The following PSPC1 variants were observed in gnomAD, a reference collection of about 807,000 sequenced individuals.
PSPC1 encodes the protein paraspeckle protein 1.
In PSPC1, 14 loss-of-function variants were observed where a neutral mutation model predicts 51.6. The observed-to-expected ratio is 0.27, with a 90% CI of 0.18 to 0.42. PSPC1 has a LOEUF of 0.42. PSPC1 is among the 10% of genes least tolerant of loss of function. PSPC1 has a pLI of 1.00. For missense variants in PSPC1, 406 were observed against 701.1 expected (o/e 0.58, Z 4.75); for synonymous variants, 193 against 231.9 (o/e 0.83, Z 1.53).
intron 5 of PSPC1, chr13:19,737,102 T>C (rs573171281): frequency 2.0e-5 from 3 of 152,322 alleles, no homozygotes; most frequent in African/African-American, 7.2e-5. Flanking sequence ...CACCCCTCCT[T>C]AGGTAACCTG....
chr13:19,678,028 T>C (rs2137573578), intron 6 of PSPC1: 1 of 333,556 alleles, frequency 3.0e-6, no homozygotes, highest in South Asian at 2.4e-5. Flanking sequence ...GAACATCAAC[T>C]GAATTAAAAT....
chr13:19,759,158 CAAAA>C (rs1887375018), intron 3 of PSPC1, among the ~76,000 whole-genome samples, 161 bp downstream of exon 3: 1 of 150,762 alleles, frequency 6.6e-6, no homozygotes, highest in African/African-American at 2.4e-5. Context: ...TCAAAAAAAA[CAAAA>C]AGAAAGAAAG....
At chr13:19,686,403 G>T (rs1877883000) in intron 6 of PSPC1, among the ~76,000 whole-genome samples, 1 of 152,138 alleles carries the variant, frequency 6.6e-6, no homozygotes, top group Admixed American at 6.5e-5. Flanking sequence ...GTAGCAGGGG[G>T]TCAATTAGGA....
chr13:19,782,913 TCA>T lies in PSPC1; in HGVS notation c.-158_-157del. Reference sequence around the variant, plus strand: ...AGTCGGCAACCCGTCCTCCCCCAACTCACGCCCGCTGCAGCTGCACATTCAAA... The same window carrying T: ...AGTCGGCAACCCGTCCTCCCCCAACTCGCCCGCTGCAGCTGCACATTCAAA... On this transcript the variant is annotated 5_prime_UTR_variant, in exon 1 of 9. The change creates a premature stop within an existing upstream ORF in the 5' untranslated region. Coordinates refer to ENST00000338910, the MANE Select transcript of PSPC1 (RefSeq NM_001354909.2). This position sits in a 1 kb window ranked among gnomAD's most constrained non-coding sequence, Gnocchi z 4.5. 1.4e-6 allele frequency: 1 copy of T among 738,368 alleles called. No homozygotes were observed. The highest frequency in any genetic ancestry group is 2.0e-6 in the Non-Finnish European group (1 of 509,724). The allele number at this position is 738,368 out of a possible 1,614,324, so 45.7% of individuals were successfully genotyped here.
intron 6 of PSPC1, among the ~76,000 whole-genome samples, chr13:19,713,669 T>C (rs1300618313): frequency 6.6e-6 from 1 of 152,094 alleles, no homozygotes; most frequent in Non-Finnish European, 1.5e-5. Context: ...ACATATGTAT[T>C]CCTGAAAGCT....
At chr13:19,733,911 C>T (rs1298838481) in intron 5 of PSPC1, among the ~76,000 whole-genome samples, 2 of 151,882 alleles carry the variant, frequency 1.3e-5, no homozygotes, top group Admixed American at 6.6e-5. Context: ...CGTGATCACA[C>T]CACTGCACTC....
Position 19,782,727 on chromosome 13 carries a change from G to A in PSPC1, c.31C>T (p.Arg11Cys). Residue 11 changes from arginine to cysteine, a missense_variant, in exon 1 of 9, where the codon CGC becomes TGC. By Grantham distance (180) the Arg-to-Cys change is radical. Around this residue, in one of 5 missense-constraint regions of PSPC1, gnomAD observed 128 missense variants for 107.1 expected, o/e 1.20. Transcript: ENST00000338910. The surrounding 1 kb of genome is among the most constrained non-coding windows in gnomAD (Gnocchi z 4.5). ...AGGCGGGCCGGGTTTTTCTCAATGC[G>A]CACTTGCTTCAGGTTTCCTCTTAAC... MMLRGNLKQV[R>C]IEKNPARLRA... is the part of the protein sequence containing the mutation. 1 of 1,567,554 alleles carries A rather than the reference G, an allele frequency of 6.4e-7. No individual in the cohort carries two copies. The highest frequency in any genetic ancestry group is 8.6e-7 in the Non-Finnish European group (1 of 1,168,788).
intron 2 of PSPC1, among the ~76,000 whole-genome samples, chr13:19,770,079 A>C (rs1490946747): frequency 6.6e-6 from 1 of 152,222 alleles, no homozygotes; most frequent in Non-Finnish European, 1.5e-5. Context: ...ACCATGGAAT[A>C]TGACTCAGCC....
chr13:19,673,068 A>G (rs768560703), downstream of PSPC1: 2 of 439,040 alleles, frequency 4.6e-6, no homozygotes, highest in South Asian at 3.2e-5. Flanking sequence ...AAAAAAAAAA[A>G]GTTTCTTGGA....
At chr13:19,766,023 C>T (rs1888035716) in intron 2 of PSPC1, among the ~76,000 whole-genome samples, 2 of 151,980 alleles carry the variant, frequency 1.3e-5, no homozygotes, top group African/African-American at 4.8e-5. Context: ...AGGAAAAGTA[C>T]AAAATTATTT....
intron 5 of PSPC1, among the ~76,000 whole-genome samples, chr13:19,731,850 C>T (rs1243982231): frequency 6.6e-6 from 1 of 152,176 alleles, no homozygotes; most frequent in Non-Finnish European, 1.5e-5. Context: ...TGGTGTTAAA[C>T]ATGTCCCATA....
rs373687009 is a variant in PSPC1 at position 19,694,178 on chromosome 13, TAC to T, written c.1159-16357_1159-16356del. Among the ~76,000 whole-genome samples, 699 of 118,676 alleles carry T rather than the reference TAC, an allele frequency of 5.9e-3. 5 individuals are homozygous for T. Among genetic ancestry groups the T allele is most frequent in the South Asian group, 0.036 (124 of 3,460 alleles). The allele number at this position is 118,676 out of a possible 152,430, so 77.9% of individuals were successfully genotyped here. On this transcript the variant is annotated intron_variant and NMD_transcript_variant, in intron 6 of 7. Coordinates refer to the PSPC1 transcript ENST00000471658. ...ATATATATATATATACATACACACA[TAC>T]ACACACACACACACTAAAACTTTAA...
chr13:19,710,077 CA>C (rs1470174529), intron 6 of PSPC1, among the ~76,000 whole-genome samples: 1 of 152,020 alleles, frequency 6.6e-6, no homozygotes, highest in African/African-American at 2.4e-5. Context: ...AATAAGGTTA[CA>C]ATCTTCATTG....
At chr13:19,778,392 CCTCCCTCTCCCT>C (rs1252103085) in intron 1 of PSPC1, among the ~76,000 whole-genome samples, 1 of 54,610 alleles carries the variant, frequency 1.8e-5, no homozygotes, top group Non-Finnish European at 3.8e-5. Context: ...TCCCCCTCCC[CCTCCCTCTCCCT>C]CTCCCCACGG....
At position 19,691,194 on chromosome 13, in the gene PSPC1, A is replaced by C. The variant is rs79389249; in HGVS notation, c.1159-13371T>G. On this transcript the variant is annotated intron_variant and NMD_transcript_variant, in intron 6 of 7. Coordinates refer to the PSPC1 transcript ENST00000471658. ...CAGATCAGTTCAATACCAAATGTCA[A>C]ACACTGTGTGAACATTGATAAAGAT... Among the ~76,000 whole-genome samples, 741 of 152,300 alleles carry C rather than the reference A, an allele frequency of 4.9e-3. 8 individuals carry two copies. Among genetic ancestry groups the C allele is most frequent in the African/African-American group, 0.017 (719 of 41,556 alleles).
chr13:19,671,921 T>G, downstream of PSPC1: 2 of 1,587,746 alleles, frequency 1.3e-6, no homozygotes, highest in Non-Finnish European at 1.7e-6. Context: ...CCGATTCCTA[T>G]ACTCTCTTTG....
At chr13:19,771,998 ATG>A (rs1209892736) in intron 2 of PSPC1, among the ~76,000 whole-genome samples, 2 of 152,224 alleles carry the variant, frequency 1.3e-5, no homozygotes, top group African/African-American at 4.8e-5. Flanking sequence ...CTTTGTATAT[ATG>A]TTCATTAAGT....
intron 2 of PSPC1, among the ~76,000 whole-genome samples, chr13:19,770,968 A>G (rs566031507): frequency 6.6e-6 from 1 of 151,632 alleles, no homozygotes; most frequent in Non-Finnish European, 1.5e-5. Context: ...TTTTATTATT[A>G]TTTTTAATTT....
intron 2 of PSPC1, among the ~76,000 whole-genome samples, chr13:19,760,926 T>C (rs1194108929): frequency 1.3e-5 from 2 of 151,856 alleles, no homozygotes; most frequent in Non-Finnish European, 2.9e-5. Context: ...AGACGGAGGT[T>C]GCAGTGAGCC....
Sources: gnomAD v4.1 joint callset for allele counts (sites outside exome capture counted in the v4.1 genomes callset) on GRCh38, gnomAD v4.1.1 for gene constraint, gnomAD v4.1.1 regional missense constraint, Gnocchi (gnomAD v3.1) non-coding constraint, MANE v1.5 for transcripts, NCBI Gene and HGNC (gene_info 2026-07-23, HGNC 2026-07-21) for gene names.